TRIQK: variants seen among roughly 807,000 people sequenced by gnomAD.
The protein encoded by TRIQK is triple QxxK/R motif-containing protein.
Under a neutral mutation model 10.8 loss-of-function variants are expected in TRIQK, and 10 were observed. The ratio of observed to expected loss-of-function variants is 0.92; its 90% CI spans 0.57 to 1.57. The LOEUF is 1.57. TRIQK is among the 40% of genes most tolerant of loss of function. The pLI, the probability that TRIQK is intolerant of heterozygous loss-of-function variation, is 0.00. For synonymous variants in TRIQK, 33 were observed against 33.7 expected (o/e 0.98, Z 0.07); for missense variants, 107 against 97.7 (o/e 1.09, Z -0.40).
chr8:92,995,530 T>G (rs1378722012), intron 1 of TRIQK, among the ~76,000 whole-genome samples: 2 of 152,028 alleles, frequency 1.3e-5, no homozygotes, highest in African/African-American at 4.8e-5. Context: ...CTATGAGATT[T>G]TTATCATTTA....
chr8:92,937,095 T>A lies in TRIQK; in HGVS notation c.-22+17311A>T, dbSNP rs148108100. Among the ~76,000 whole-genome samples, 16 of 151,890 alleles carry A rather than the reference T, an allele frequency of 1.1e-4. No individual in the cohort carries two copies. In the East Asian group the frequency reaches 3.1e-3, roughly 29 times the overall value. On this transcript the variant is annotated intron_variant, in intron 2 of 4. Transcript: ENST00000521988. The stretch of plus-strand genomic sequence containing the variant: ...CAATTCTATATGTGCACAAAAACAC[T>A]AGTAAGTACACTCACTGAAAATGTT...
At chr8:92,910,451 A>T (rs964932325) in intron 3 of TRIQK, among the ~76,000 whole-genome samples, 6 of 151,202 alleles carry the variant, frequency 4.0e-5, no homozygotes, top group African/African-American at 7.2e-5. Context: ...GTTAGAGCGG[A>T]GATTAGCAAA....
At chr8:93,006,119 T>A (rs1471937793) in intron 1 of TRIQK, among the ~76,000 whole-genome samples, 1 of 150,762 alleles carries the variant, frequency 6.6e-6, no homozygotes, top group Admixed American at 6.6e-5. Flanking sequence ...GCGAAAGGGA[T>A]CTACACTGAA....
At chr8:92,893,608 C>A (rs916524799) in intron 3 of TRIQK, among the ~76,000 whole-genome samples, 2 of 151,934 alleles carry the variant, frequency 1.3e-5, no homozygotes, top group African/African-American at 4.8e-5. Flanking sequence ...TGAAAAAAAT[C>A]TTGACAAGTG....
At chr8:93,015,754 T>C (rs1813378949) in intron 1 of TRIQK, among the ~76,000 whole-genome samples, 1 of 152,084 alleles carries the variant, frequency 6.6e-6, no homozygotes. Context: ...AGGAGGTTTT[T>C]CTTTTTCTTT....
At chr8:92,962,480 C>T (rs1364923554) in intron 1 of TRIQK, among the ~76,000 whole-genome samples, 1 of 152,190 alleles carries the variant, frequency 6.6e-6, no homozygotes, top group East Asian at 1.9e-4. Flanking sequence ...CTCTACATTA[C>T]ACAATATTTA....
chr8:92,976,399 T>A (rs1812932175), intron 1 of TRIQK, among the ~76,000 whole-genome samples: 2 of 152,032 alleles, frequency 1.3e-5, no homozygotes, highest in African/African-American at 4.8e-5. Context: ...ACATTTTTCA[T>A]CCCTGGTAAT....
chr8:93,003,637 C>T (rs1423545018), intron 1 of TRIQK, among the ~76,000 whole-genome samples: 1 of 152,138 alleles, frequency 6.6e-6, no homozygotes, highest in Non-Finnish European at 1.5e-5. Flanking sequence ...CCAATATTAA[C>T]TTAAAAGTCC....
chr8:92,982,098 G>C (rs935593927), intron 1 of TRIQK, among the ~76,000 whole-genome samples: 1 of 151,456 alleles, frequency 6.6e-6, no homozygotes, highest in East Asian at 1.9e-4. Flanking sequence ...AAGGTTTTCT[G>C]TTTTTCCTTA....
intron 1 of TRIQK, among the ~76,000 whole-genome samples, chr8:92,988,890 C>T (rs543733414): frequency 6.6e-6 from 1 of 152,048 alleles, no homozygotes; most frequent in African/African-American, 2.4e-5. Context: ...CCCTTCCTTC[C>T]TTTTTGTTGT....
chr8:93,009,550 A>G (rs1813308526), intron 1 of TRIQK, among the ~76,000 whole-genome samples: 1 of 152,040 alleles, frequency 6.6e-6, no homozygotes. Context: ...CAGAGGTTGC[A>G]GTGGGCGAGA....
intron 3 of TRIQK, among the ~76,000 whole-genome samples, chr8:92,894,443 C>A (rs1398611101): frequency 6.7e-6 from 1 of 149,170 alleles, no homozygotes; most frequent in Non-Finnish European, 1.5e-5. Context: ...CGTACTTACA[C>A]CTAAGGGAAA....
intron 2 of TRIQK, chr8:92,953,726 C>G (rs1186861702): frequency 4.0e-5 from 6 of 151,856 alleles, no homozygotes; most frequent in Non-Finnish European, 8.8e-5. Context: ...AGAGAAATAA[C>G]AAAGGTTCAA....
At chr8:92,905,624 G>C (rs1005443313) in intron 3 of TRIQK, among the ~76,000 whole-genome samples, 1 of 152,090 alleles carries the variant, frequency 6.6e-6, no homozygotes, top group Admixed American at 6.6e-5. Context: ...TAGGGGACCT[G>C]AAAAGTTCCT....
At chr8:92,939,223 C>T (rs1811148557) in intron 2 of TRIQK, among the ~76,000 whole-genome samples, 1 of 152,168 alleles carries the variant, frequency 6.6e-6, no homozygotes, top group African/African-American at 2.4e-5. Flanking sequence ...GATCAGCCTA[C>T]TTCTAAAACA....
At chr8:92,949,032 A>G (rs530229141) in intron 2 of TRIQK, among the ~76,000 whole-genome samples, 4 of 152,316 alleles carry the variant, frequency 2.6e-5, no homozygotes, top group Admixed American at 6.5e-5. Context: ...AGCTGTAACC[A>G]ATCTGGCTGT....
At chr8:92,942,489 G>A (rs998316590) in intron 2 of TRIQK, among the ~76,000 whole-genome samples, 1 of 152,118 alleles carries the variant, frequency 6.6e-6, no homozygotes, top group African/African-American at 2.4e-5. Context: ...AGCAAGACAA[G>A]GATGCTCACT....
intron 3 of TRIQK, among the ~76,000 whole-genome samples, chr8:92,911,094 G>T (rs1313973550): frequency 6.6e-6 from 1 of 151,178 alleles, no homozygotes. Flanking sequence ...AACACTGTCG[G>T]TACAAGAAAC....
intron 3 of TRIQK, among the ~76,000 whole-genome samples, chr8:92,915,429 C>T (rs1315582508): frequency 1.3e-5 from 2 of 151,882 alleles, no homozygotes; most frequent in African/African-American, 2.4e-5. Context: ...TAATCATTTA[C>T]TCTGTGTGTG....
Sources: allele counts gnomAD v4.1 joint callset (sites outside exome capture counted in the v4.1 genomes callset), GRCh38; gene constraint gnomAD v4.1.1; transcripts MANE v1.5; gene names NCBI Gene and HGNC (gene_info 2026-07-23, HGNC 2026-07-21).